Variants in LHFPL3 observed in about 807,000 individuals in gnomAD.
The protein encoded by LHFPL3 is LHFPL tetraspan subfamily member 3.
A neutral mutation model predicts 19.3 loss-of-function variants in LHFPL3; 5 were observed. The ratio of observed to expected loss-of-function variants is 0.26; its 90% CI spans 0.14 to 0.54. LHFPL3 has a LOEUF of 0.54. LHFPL3 is among the 20% of genes least tolerant of loss of function. The pLI is 0.94. For synonymous variants in LHFPL3, 133 were observed against 126.2 expected (o/e 1.05, Z -0.36); for missense variants, 249 against 307.4 (o/e 0.81, Z 1.42).
At chr7:104,542,562 A>G (rs943138904) in intron 1 of LHFPL3, among the ~76,000 whole-genome samples, 1 of 152,072 alleles carries the variant, frequency 6.6e-6, no homozygotes, top group African/African-American at 2.4e-5. Context: ...ACCTTCCCCA[A>G]AGTGGAATCT....
chr7:104,593,249 C>G (rs1402407646), intron 1 of LHFPL3, among the ~76,000 whole-genome samples: 4 of 152,012 alleles, frequency 2.6e-5, no homozygotes, highest in Admixed American at 2.6e-4. Flanking sequence ...TCTTTGTTCT[C>G]GTTGGTTTCA....
chr7:104,451,330 G>C (rs76621033), intron 1 of LHFPL3, among the ~76,000 whole-genome samples: 2 of 152,192 alleles, frequency 1.3e-5, no homozygotes, highest in East Asian at 3.8e-4. Flanking sequence ...TCGAGGTTAA[G>C]ATAGCTGAAG....
At chr7:104,566,179 C>G (rs536990567) in intron 1 of LHFPL3, among the ~76,000 whole-genome samples, 25 of 152,190 alleles carry the variant, frequency 1.6e-4, no homozygotes, top group African/African-American at 6.0e-4. Context: ...GAACTAAACT[C>G]TATAAAAATA....
chr7:104,538,157 T>C (rs927218307), intron 1 of LHFPL3, among the ~76,000 whole-genome samples: 15 of 152,218 alleles, frequency 9.9e-5, no homozygotes, highest in African/African-American at 3.1e-4. Flanking sequence ...GAATCACCAC[T>C]GCATAATCAA....
chr7:104,726,968 A>T (rs866498330), intron 1 of LHFPL3, among the ~76,000 whole-genome samples: 1 of 152,074 alleles, frequency 6.6e-6, no homozygotes, highest in Non-Finnish European at 1.5e-5. Flanking sequence ...AAGTGTTCCT[A>T]TTTCTCCACA....
chr7:104,899,887 A>G (rs1349743486), intron 2 of LHFPL3, among the ~76,000 whole-genome samples: 4 of 152,126 alleles, frequency 2.6e-5, no homozygotes, highest in Admixed American at 2.6e-4. Flanking sequence ...ACCTGCCACC[A>G]TACCTGGCTA....
intron 2 of LHFPL3, chr7:104,895,898 C>T (rs1201768877): frequency 6.6e-6 from 1 of 152,316 alleles, no homozygotes; most frequent in Non-Finnish European, 1.5e-5. Flanking sequence ...GTAGCTTGAA[C>T]ACAGAAATTT....
chr7:104,441,701 A>G (rs137922568), intron 1 of LHFPL3, among the ~76,000 whole-genome samples: 1,641 of 152,230 alleles, frequency 0.011, 24 homozygotes, highest in African/African-American at 0.037. Context: ...TCAGCCTTCC[A>G]AGTAGCTGGG....
intron 1 of LHFPL3, among the ~76,000 whole-genome samples, chr7:104,446,994 A>G (rs1159989766): frequency 6.6e-6 from 1 of 152,236 alleles, no homozygotes; most frequent in Non-Finnish European, 1.5e-5. Context: ...TACTCATACT[A>G]ATAAATAAAT....
intron 1 of LHFPL3, among the ~76,000 whole-genome samples, chr7:104,587,525 G>A (rs1790606364): frequency 6.6e-6 from 1 of 152,168 alleles, no homozygotes; most frequent in East Asian, 1.9e-4. Flanking sequence ...ATCATTGTTG[G>A]ACATTTGGGT....
intron 1 of LHFPL3, among the ~76,000 whole-genome samples, chr7:104,349,674 A>G (rs563085839): frequency 6.6e-6 from 1 of 152,342 alleles, no homozygotes; most frequent in South Asian, 2.1e-4. Flanking sequence ...ATACCTGTGT[A>G]ACAAACCTGC....
At chr7:104,419,552 C>A (rs17137518) in intron 1 of LHFPL3, among the ~76,000 whole-genome samples, 14,995 of 151,970 alleles carry the variant, frequency 0.099, 810 homozygotes, top group African/African-American at 0.13. Flanking sequence ...GATTCTGATA[C>A]CATTAAAAAT....
At chr7:104,661,426 C>T (rs1249732325) in intron 1 of LHFPL3, among the ~76,000 whole-genome samples, 1 of 152,194 alleles carries the variant, frequency 6.6e-6, no homozygotes, top group East Asian at 1.9e-4. Context: ...CACCAAACTA[C>T]CCTTACTCAC....
chr7:104,732,069 G>A (rs1260397413), intron 1 of LHFPL3, among the ~76,000 whole-genome samples: 1 of 152,202 alleles, frequency 6.6e-6, no homozygotes, highest in African/African-American at 2.4e-5. Context: ...TCCCAGGGAT[G>A]AAGTCCACTT....
intron 2 of LHFPL3, among the ~76,000 whole-genome samples, chr7:104,879,589 G>A (rs1255782860): frequency 3.3e-5 from 5 of 152,162 alleles, no homozygotes; most frequent in Non-Finnish European, 7.3e-5. Flanking sequence ...GTTGGGTATG[G>A]TGGCACACAC....
At chr7:104,586,165 G>A (rs984605770) in intron 1 of LHFPL3, among the ~76,000 whole-genome samples, 1 of 152,126 alleles carries the variant, frequency 6.6e-6, no homozygotes, top group Non-Finnish European at 1.5e-5. Flanking sequence ...CATTTAGAAG[G>A]AGGAAATAAA....
intron 1 of LHFPL3, among the ~76,000 whole-genome samples, chr7:104,482,190 G>A (rs868751451): frequency 2.0e-5 from 3 of 152,138 alleles, no homozygotes; most frequent in Admixed American, 1.3e-4. Flanking sequence ...CACTGAGGTC[G>A]GATTTCCATT....
At chr7:104,754,111 G>T (rs1359862685) in intron 2 of LHFPL3, among the ~76,000 whole-genome samples, 1 of 152,156 alleles carries the variant, frequency 6.6e-6, no homozygotes, top group African/African-American at 2.4e-5. Context: ...CTATGGAGGG[G>T]TGGATAAAGA....
intron 1 of LHFPL3, among the ~76,000 whole-genome samples, chr7:104,600,590 TCA>T (rs769149843): frequency 9.9e-5 from 15 of 152,222 alleles, no homozygotes; most frequent in Non-Finnish European, 2.1e-4. Context: ...CATCTTATCC[TCA>T]GAGTGAAGAA....
Sources: allele counts gnomAD v4.1 joint callset (sites outside exome capture counted in the v4.1 genomes callset), GRCh38; gene constraint gnomAD v4.1.1; transcripts MANE v1.5; gene names NCBI Gene and HGNC (gene_info 2026-07-23, HGNC 2026-07-21).